Variants in KCNQ1 observed in about 807,000 individuals in gnomAD.
KCNQ1 encodes the protein potassium voltage-gated channel subfamily KQT member 1.
In KCNQ1, 49 loss-of-function variants were observed where a neutral mutation model predicts 72.4. The observed-to-expected ratio is 0.68, with a 90% confidence interval of 0.54 to 0.86. KCNQ1 has a LOEUF of 0.86. Ranked by LOEUF, KCNQ1 falls within the 40% of genes least tolerant of loss-of-function variation. KCNQ1 has a pLI of 0.00. For missense variants in KCNQ1, 790 were observed against 945.1 expected, an observed-to-expected ratio of 0.84 and a Z score of 2.15; for synonymous variants, 450 against 412.6, an observed-to-expected ratio of 1.09 and a Z score of -1.10.
In KCNQ1 at chr11:2,704,157, C is replaced by T. The variant is rs1007645301; in HGVS notation, c.1514+42076C>T. ...CCACTGCAGCTGTCCTGGGTAAGGG[C>T]TCTGTGATCCTGCAACGCCCACCTT... On this transcript the variant is annotated intron_variant, in intron 11 of 15. Coordinates refer to ENST00000155840, the MANE Select transcript of KCNQ1 (RefSeq NM_000218.3). The surrounding 1 kb of genome is among the most constrained non-coding windows in gnomAD (Gnocchi z 4.3). 3.3e-5 allele frequency among the ~76,000 whole-genome samples: 5 copies of T among 152,246 alleles called. No individual in the cohort carries two copies. The highest frequency in any genetic ancestry group is 6.5e-5 in the Admixed American group (1 of 15,288).
intron 5 of KCNQ1, 122 bp downstream of exon 5, chr11:2,572,231 G>A (rs980953467): frequency 1.1e-5 from 8 of 711,484 alleles, no homozygotes; most frequent in East Asian, 2.7e-5. Context: ...GTGCCTGGGC[G>A]CAGGGGTACC....
intron 1 of KCNQ1, among the ~76,000 whole-genome samples, chr11:2,506,113 G>A (rs1286731898): frequency 1.3e-5 from 2 of 152,190 alleles, no homozygotes; most frequent in Non-Finnish European, 2.9e-5. Flanking sequence ...GTTCACCGGA[G>A]CCTGTGCCTT....
In KCNQ1 at chr11:2,541,097, G is replaced by A. The variant is rs557883714; in HGVS notation, c.477+13079G>A. ...CTCAGACACGTGCCTGCATGCACAC[G>A]TGCACACGTGCACACCCAGCCCTGG... On this transcript the variant is annotated intron_variant, in intron 2 of 15. Transcript: ENST00000155840. The surrounding 1 kb of genome is among the most constrained non-coding windows in gnomAD (Gnocchi z 4.8). 2.0e-5 allele frequency among the ~76,000 whole-genome samples: 3 copies of A among 152,068 alleles called. No individual in the cohort carries two copies. The highest frequency in any genetic ancestry group is 1.9e-4 in the East Asian group (1 of 5,168).
chr11:2,584,293 A>G (rs1372315475), intron 7 of KCNQ1, among the ~76,000 whole-genome samples: 1 of 152,134 alleles, frequency 6.6e-6, no homozygotes, highest in African/African-American at 2.4e-5. Flanking sequence ...TGTGCACATG[A>G]CATGTAGACA....
intron 15 of KCNQ1, among the ~76,000 whole-genome samples, chr11:2,841,414 G>A (rs1848208233): frequency 6.6e-6 from 1 of 152,186 alleles, no homozygotes. Flanking sequence ...GGCATAGCCA[G>A]GCAGTGAGGT....
At chr11:2,841,367 C>T (rs935989354) in intron 15 of KCNQ1, among the ~76,000 whole-genome samples, 2 of 152,164 alleles carry the variant, frequency 1.3e-5, no homozygotes, top group Non-Finnish European at 2.9e-5. Context: ...AAGGCTCAGC[C>T]TGGCTGTTGC....
chr11:2,485,904 C>T (rs1846733333), intron 1 of KCNQ1, among the ~76,000 whole-genome samples: 1 of 152,208 alleles, frequency 6.6e-6, no homozygotes, highest in African/African-American at 2.4e-5. Context: ...TAATATTCCA[C>T]TGTATGGATA....
At chr11:2,606,559 A>G (rs1346347197) in intron 10 of KCNQ1, among the ~76,000 whole-genome samples, 1 of 152,136 alleles carries the variant, frequency 6.6e-6, no homozygotes, top group Non-Finnish European at 1.5e-5. Flanking sequence ...CCATGATTGT[A>G]AGCTTCTTGA....
At position 2,687,225 on chromosome 11, in the gene KCNQ1, T is replaced by C. The variant is rs1850505986; in HGVS notation, c.1514+25144T>C. ...CATCACACTGTTGGGAAATGTGCAA[T>C]TTTCACTCAGCCAGCATCACTACCA... On this transcript the variant is annotated intron_variant, in intron 11 of 15. Transcript: ENST00000155840. The surrounding 1 kb of genome is among the most constrained non-coding windows in gnomAD (Gnocchi z 5.0). 1.0e-5 allele frequency: 4 copies of C among 398,458 alleles called. No homozygotes were observed. The East Asian group carries it at 1.1e-4, about 11-fold the overall frequency. The allele number at this position is 398,458 out of a possible 1,614,324, so 24.7% of individuals were successfully genotyped here.
rs1220731809 is a variant in KCNQ1, at chr11:2,516,387, G to C, written c.387-11541G>C. Among the ~76,000 whole-genome samples, 1 of 152,052 alleles carries C rather than the reference G, an allele frequency of 6.6e-6. No homozygotes were observed. The highest frequency in any genetic ancestry group is 1.5e-5 in the Non-Finnish European group (1 of 68,012). ...GACCGCTGACCCACCGGGATTCTTG[G>C]GGGCCACCATAGAGCCTGTTTTTAA... On this transcript the variant is annotated intron_variant, in intron 1 of 15. Coordinates refer to ENST00000155840, the MANE Select transcript of KCNQ1 (RefSeq NM_000218.3). The surrounding 1 kb of genome is among the most constrained non-coding windows in gnomAD (Gnocchi z 7.0).
In KCNQ1 at chr11:2,818,414, T is replaced by C. The variant is rs1442216728; in HGVS notation, c.1795-29353T>C. 6.6e-6 allele frequency among the ~76,000 whole-genome samples: 1 copy of C among 152,140 alleles called. No homozygotes were observed. Among genetic ancestry groups the C allele is most frequent in the Non-Finnish European group, 1.5e-5 (1 of 68,004 alleles). ...CCACAGAGTGTGCATCCTAAGGTGG[T>C]TCAGAGGTCCTCAGAAAGTGCCAAG... On this transcript the variant is annotated intron_variant, in intron 15 of 15. Transcript: ENST00000155840. The surrounding 1 kb of genome is among the most constrained non-coding windows in gnomAD (Gnocchi z 7.2).
At chr11:2,574,158 C>T (rs1309182298) in intron 6 of KCNQ1, among the ~76,000 whole-genome samples, 1 of 152,186 alleles carries the variant, frequency 6.6e-6, no homozygotes, top group Non-Finnish European at 1.5e-5. Context: ...CATCCCATCT[C>T]CCCCCACAGC....
intron 1 of KCNQ1, among the ~76,000 whole-genome samples, chr11:2,449,460 C>T (rs760331403): frequency 4.6e-5 from 7 of 152,186 alleles, no homozygotes; most frequent in African/African-American, 1.2e-4. Flanking sequence ...GGCCTGAAGG[C>T]CTGGGATGCT....
In KCNQ1 at chr11:2,486,244, A is replaced by G. The variant is rs931821543; in HGVS notation, c.386+40760A>G. On this transcript the variant is annotated intron_variant, in intron 1 of 15. Coordinates refer to ENST00000155840, the MANE Select transcript of KCNQ1 (RefSeq NM_000218.3). The surrounding 1 kb of genome is among the most constrained non-coding windows in gnomAD (Gnocchi z 5.0). ...TAGTTTTGATTTACATTTTCTTATGAGTAGTGATGTTGAGTATCTTTTCAT... is the reference window on the plus strand; with the variant it reads ...TAGTTTTGATTTACATTTTCTTATGGGTAGTGATGTTGAGTATCTTTTCAT... 2.6e-5 allele frequency among the ~76,000 whole-genome samples: 4 copies of G among 152,148 alleles called. No individual in the cohort carries two copies. Among genetic ancestry groups the G allele is most frequent in the African/African-American group, 9.7e-5 (4 of 41,422 alleles).
rs1848186777 is a variant in KCNQ1 at position 2,562,479 on chromosome 11, A to C, written c.478-8149A>C. Reference sequence around the variant, plus strand: ...GGAACAGCTGGCCCCAAAGCCCGCCAGCCGGGCTCTATGCTGTGGGGACCA... The same window carrying C: ...GGAACAGCTGGCCCCAAAGCCCGCCCGCCGGGCTCTATGCTGTGGGGACCA... On this transcript the variant is annotated intron_variant, in intron 2 of 15. Coordinates refer to ENST00000155840, the MANE Select transcript of KCNQ1 (RefSeq NM_000218.3). This position sits in a 1 kb window ranked among gnomAD's most constrained non-coding sequence, Gnocchi z 7.5. Among the ~76,000 whole-genome samples the C allele has an allele frequency of 1.3e-5, 2 of 152,144 alleles. No homozygotes were observed. Among genetic ancestry groups the C allele is most frequent in the African/African-American group, 4.8e-5 (2 of 41,440 alleles).
intron 15 of KCNQ1, among the ~76,000 whole-genome samples, chr11:2,799,028 G>C (rs1239949139): frequency 6.6e-6 from 1 of 152,204 alleles, no homozygotes; most frequent in Non-Finnish European, 1.5e-5. Context: ...GCACTTACCT[G>C]GCAGGTGAAA....
intron 1 of KCNQ1, among the ~76,000 whole-genome samples, chr11:2,466,299 T>C (rs1471023954): frequency 6.6e-6 from 1 of 152,004 alleles, no homozygotes; most frequent in Non-Finnish European, 1.5e-5. Context: ...CCCCGCCTGA[T>C]GGGTGCTTGC....
At chr11:2,688,627 G>T (rs1850533787) in intron 11 of KCNQ1, 1 of 398,654 alleles carries the variant, frequency 2.5e-6, no homozygotes, top group Non-Finnish European at 4.4e-6. Flanking sequence ...GCCTGGGTGA[G>T]CTCTGGACCT....
Position 2,723,481 on chromosome 11 carries a change from CG to C in KCNQ1, c.1515-45362del, listed in dbSNP as rs1235593300. Among the ~76,000 whole-genome samples, 1 of 152,196 alleles carries C rather than the reference CG, an allele frequency of 6.6e-6. No individual in the cohort carries two copies. The highest frequency in any genetic ancestry group is 1.5e-5 in the Non-Finnish European group (1 of 68,044). ...CAGGTGGTACTTGGCAGCTGTGGCA[CG>C]TGGAAGCCCTACACAGGCAGCCCCA... On this transcript the variant is annotated intron_variant, in intron 11 of 15. Transcript: ENST00000155840. The surrounding 1 kb of genome is among the most constrained non-coding windows in gnomAD (Gnocchi z 4.2).
Sources: gnomAD v4.1 joint callset for allele counts (sites outside exome capture counted in the v4.1 genomes callset) on GRCh38, gnomAD v4.1.1 for gene constraint, Gnocchi (gnomAD v3.1) non-coding constraint, MANE v1.5 for transcripts, NCBI Gene and HGNC (gene_info 2026-07-23, HGNC 2026-07-21) for gene names.